LHFPL6: variants seen among roughly 807,000 people sequenced by gnomAD.
LHFPL6 encodes the protein LHFPL tetraspan subfamily member 6 protein.
A neutral mutation model predicts 20.6 loss-of-function variants in LHFPL6; 9 were observed. The ratio of observed to expected loss-of-function variants is 0.44; its 90% CI spans 0.26 to 0.76. LHFPL6 has a LOEUF of 0.76. Ranked by LOEUF, LHFPL6 falls within the 30% of genes least tolerant of loss-of-function variation. The pLI, the probability that LHFPL6 is intolerant of heterozygous loss-of-function variation, is 0.20. For synonymous variants in LHFPL6, 105 were observed against 98.7 expected (o/e 1.06, Z -0.38); for missense variants, 218 against 253.5 (o/e 0.86, Z 0.95).
intron 2 of LHFPL6, among the ~76,000 whole-genome samples, chr13:39,525,451 G>A (rs1870257152): frequency 6.6e-6 from 1 of 152,018 alleles, no homozygotes; most frequent in Non-Finnish European, 1.5e-5. Flanking sequence ...ATCTAACTTG[G>A]CAATAAATCT....
At chr13:39,489,289 G>A (rs1227888710) in intron 2 of LHFPL6, among the ~76,000 whole-genome samples, 1 of 152,152 alleles carries the variant, frequency 6.6e-6, no homozygotes, top group Non-Finnish European at 1.5e-5. Context: ...TTTTTCTAGA[G>A]TGAAAGAATC....
chr13:39,348,243 A>G (rs1220723868), intron 3 of LHFPL6, among the ~76,000 whole-genome samples: 1 of 152,042 alleles, frequency 6.6e-6, no homozygotes, highest in Non-Finnish European at 1.5e-5. Flanking sequence ...CTGGTTCTGG[A>G]CTCTCAATCT....
At chr13:39,411,036 A>G (rs1254258674) in intron 2 of LHFPL6, among the ~76,000 whole-genome samples, 1 of 152,258 alleles carries the variant, frequency 6.6e-6, no homozygotes, top group East Asian at 1.9e-4. Flanking sequence ...TATTTAAATA[A>G]AAGGCTAAAT....
chr13:39,401,303 TAC>T (rs1441473232), intron 2 of LHFPL6, among the ~76,000 whole-genome samples: 1 of 152,214 alleles, frequency 6.6e-6, no homozygotes, highest in Non-Finnish European at 1.5e-5. Context: ...AGAAAACAAG[TAC>T]AGTTTGTTCC....
chr13:39,553,435 G>A (rs1451941152), intron 2 of LHFPL6, among the ~76,000 whole-genome samples: 1 of 152,154 alleles, frequency 6.6e-6, no homozygotes, highest in Non-Finnish European at 1.5e-5. Context: ...GGCACGGCCA[G>A]GCATGCAGGC....
chr13:39,533,288 A>C (rs1241594719), intron 2 of LHFPL6, among the ~76,000 whole-genome samples: 3 of 152,178 alleles, frequency 2.0e-5, no homozygotes, highest in Non-Finnish European at 4.4e-5. Context: ...CTTAAATGAG[A>C]CAATAGTTTA....
chr13:39,369,088 C>A (rs1593287838), intron 3 of LHFPL6, among the ~76,000 whole-genome samples: 5 of 130,518 alleles, frequency 3.8e-5, no homozygotes, highest in Admixed American at 7.6e-5. Flanking sequence ...TTTTTTTAAA[C>A]TAATAAAAGG....
intron 2 of LHFPL6, among the ~76,000 whole-genome samples, chr13:39,462,506 T>C (rs1199177307): frequency 1.3e-5 from 2 of 152,210 alleles, no homozygotes. Flanking sequence ...TCTACAAATA[T>C]GTCCAAACTC....
At chr13:39,551,531 T>C (rs139982315) in intron 2 of LHFPL6, among the ~76,000 whole-genome samples, 1 of 152,244 alleles carries the variant, frequency 6.6e-6, no homozygotes, top group Non-Finnish European at 1.5e-5. Context: ...GGTAGTATGG[T>C]TTTCCAACTT....
intron 3 of LHFPL6, among the ~76,000 whole-genome samples, chr13:39,356,649 C>T (rs941066808): frequency 3.3e-5 from 5 of 152,126 alleles, no homozygotes; most frequent in African/African-American, 9.7e-5. Flanking sequence ...GCGAGAGGAT[C>T]CAAAACAGCA....
intron 2 of LHFPL6, among the ~76,000 whole-genome samples, chr13:39,507,742 T>TGTATTTACCTACAGTATCTGA (rs1869535695): frequency 1.3e-5 from 2 of 152,194 alleles, no homozygotes; most frequent in Non-Finnish European, 2.9e-5. Context: ...TATCTGAGTA[T>TGTATTTACCTACAGTATCTGA]GTGGTAGATA....
chr13:39,507,290 C>T (rs537807436), intron 2 of LHFPL6, among the ~76,000 whole-genome samples: 9 of 152,328 alleles, frequency 5.9e-5, no homozygotes, highest in South Asian at 2.1e-4. Flanking sequence ...CATGCTAGGA[C>T]CTGTAGACCC....
chr13:39,390,141 A>G (rs574632579), intron 2 of LHFPL6, among the ~76,000 whole-genome samples: 6 of 107,068 alleles, frequency 5.6e-5, no homozygotes, highest in Admixed American at 1.1e-4. Context: ...ACAGTAAAGT[A>G]GGATGTCAGA....
intron 2 of LHFPL6, among the ~76,000 whole-genome samples, chr13:39,594,988 G>A (rs1328378288): frequency 1.3e-5 from 2 of 151,954 alleles, no homozygotes; most frequent in African/African-American, 4.8e-5. Flanking sequence ...GAGGGAGGAG[G>A]GATAGCATTA....
chr13:39,372,556 C>T (rs966563322), intron 3 of LHFPL6, among the ~76,000 whole-genome samples: 4 of 152,180 alleles, frequency 2.6e-5, no homozygotes, highest in African/African-American at 9.7e-5. Flanking sequence ...CAAAAGTAAG[C>T]AGAGTAACAG....
chr13:39,495,135 G>A (rs1468553917), intron 2 of LHFPL6, among the ~76,000 whole-genome samples: 1 of 152,192 alleles, frequency 6.6e-6, no homozygotes, highest in African/African-American at 2.4e-5. Context: ...TCCAGGCTTA[G>A]GAAAACAGAT....
chr13:39,354,319 G>C, intron 3 of LHFPL6, among the ~76,000 whole-genome samples: 1 of 151,994 alleles, frequency 6.6e-6, no homozygotes, highest in East Asian at 1.9e-4. Context: ...GAAGCCAATT[G>C]ACTGTACATG....
chr13:39,594,433 G>C (rs1196483237), intron 2 of LHFPL6, among the ~76,000 whole-genome samples: 1 of 152,200 alleles, frequency 6.6e-6, no homozygotes, highest in Non-Finnish European at 1.5e-5. Context: ...TCTCATACCA[G>C]TTAGAATGGC....
intron 2 of LHFPL6, among the ~76,000 whole-genome samples, chr13:39,519,259 A>AG (rs1488634244): frequency 6.6e-6 from 1 of 152,124 alleles, no homozygotes; most frequent in Non-Finnish European, 1.5e-5. Context: ...TAAAAAAAAA[A>AG]TCAGAGCCAA....
Sources: gnomAD v4.1 joint callset for allele counts (sites outside exome capture counted in the v4.1 genomes callset) on GRCh38, gnomAD v4.1.1 for gene constraint, MANE v1.5 for transcripts, NCBI Gene and HGNC (gene_info 2026-07-23, HGNC 2026-07-21) for gene names.